RIMKLB: variants seen among roughly 807,000 people sequenced by gnomAD.
The protein encoded by RIMKLB is beta-citrylglutamate synthase B.
RIMKLB carries 7 observed loss-of-function variants against 32.0 expected under a neutral mutation model. The ratio of observed to expected loss-of-function variants is 0.22; its 90% CI spans 0.12 to 0.41. The LOEUF (loss-of-function observed/expected upper bound fraction) is 0.41, where lower values mean the gene tolerates loss of function less well. Among genes scored for constraint, RIMKLB ranks in the 10% least tolerant of loss-of-function variants. RIMKLB has a pLI of 1.00. For missense variants in RIMKLB, 289 were observed against 498.7 expected (o/e 0.58, Z 4.00); for synonymous variants, 172 against 185.1 (o/e 0.93, Z 0.57).
rs779016793 is a variant in RIMKLB, at chr12:8,777,113, T to G, written c.*3329T>G. ...CTGCTACTGTTTTTATTTGTTTGTT[T>G]GTTCAATTTTATTTAAGATTTGTTT... On this transcript the variant is annotated 3_prime_UTR_variant, in exon 6 of 6. Transcript: ENST00000535829. The G allele has an allele frequency of 1.0e-6, 1 of 985,836 alleles. No individual in the cohort carries two copies. Among genetic ancestry groups the G allele is most frequent in the South Asian group, 4.7e-5 (1 of 21,284 alleles). The allele number at this position is 985,836 out of a possible 1,614,324, so 61.1% of individuals were successfully genotyped here. A position where few individuals can be genotyped will look rare whatever the true frequency, so the allele number is the denominator to read the frequency against.
At chr12:8,735,721 T>C (rs1013140591) in intron 2 of RIMKLB, among the ~76,000 whole-genome samples, 10 of 151,364 alleles carry the variant, frequency 6.6e-5, no homozygotes, top group Non-Finnish European at 1.0e-4. Context: ...TTCTTCGTTT[T>C]TTTTTTTGTC....
chr12:8,715,589 G>T (rs1041898303), intron 2 of RIMKLB, among the ~76,000 whole-genome samples: 3 of 152,076 alleles, frequency 2.0e-5, no homozygotes, highest in Non-Finnish European at 4.4e-5. Flanking sequence ...TATTTTCAGT[G>T]TAATTCTCTT....
chr12:8,757,658 CTT>C (rs747302096), intron 5 of RIMKLB, among the ~76,000 whole-genome samples: 6 of 152,116 alleles, frequency 3.9e-5, no homozygotes, highest in Admixed American at 6.6e-5. Context: ...CTATAATGTA[CTT>C]TTAGTTCTTC....
chr12:8,711,440 C>G (rs1260611789), intron 1 of RIMKLB, among the ~76,000 whole-genome samples: 2 of 151,844 alleles, frequency 1.3e-5, no homozygotes, highest in Non-Finnish European at 2.9e-5. Context: ...TTTCAAGAGC[C>G]GAGTGTCAGG....
At position 8,760,213 on chromosome 12, in the gene RIMKLB, G is replaced by A. The variant is rs150164217; in HGVS notation, c.697+6120G>A. ...TGCGGTGTTTGGTTTTTGTCCTTGC[G>A]ATAGTTTGCTGAGAATGATGGTTTC... On this transcript the variant is annotated intron_variant, in intron 5 of 5. Coordinates refer to ENST00000535829, the MANE Select transcript of RIMKLB (RefSeq NM_001297776.2). 9.9e-4 allele frequency among the ~76,000 whole-genome samples: 150 copies of A among 152,118 alleles called. 2 individuals carry two copies. In the East Asian group the frequency reaches 0.016, roughly 16 times the overall value.
At chr12:8,745,507 A>G (rs1947999170) in intron 2 of RIMKLB, among the ~76,000 whole-genome samples, 1 of 151,072 alleles carries the variant, frequency 6.6e-6, no homozygotes, top group Non-Finnish European at 1.5e-5. Context: ...CAGTTCTTCT[A>G]CCTCAGCTTC....
chr12:8,704,999 C>CACACACACACACACACAAAAAA (rs35908223), intron 1 of RIMKLB, among the ~76,000 whole-genome samples: 1 of 151,540 alleles, frequency 6.6e-6, no homozygotes, highest in African/African-American at 2.4e-5. Flanking sequence ...CACACACACA[C>CACACACACACACACACAAAAAA]AAAACCCCAA....
At chr12:8,756,243 C>A (rs1045382859) in intron 5 of RIMKLB, among the ~76,000 whole-genome samples, 1 of 151,860 alleles carries the variant, frequency 6.6e-6, no homozygotes, top group Non-Finnish European at 1.5e-5. Flanking sequence ...ATTGCTTGAG[C>A]CTGGGCGGTC....
At chr12:8,705,853 C>G (rs11046869) in intron 1 of RIMKLB, among the ~76,000 whole-genome samples, 4,299 of 152,210 alleles carry the variant, frequency 0.028, 207 homozygotes, top group African/African-American at 0.097. Flanking sequence ...GTGAGTCTGT[C>G]TATAAGTCCT....
In RIMKLB at chr12:8,714,175, A is replaced by G. The variant is rs776742437; in HGVS notation, c.175+134A>G. On this transcript the variant is annotated intron_variant, in intron 2 of 5. Transcript: ENST00000535829. ...GTATCTTCTAATTATAAGGTCTAAT[A>G]TATTTTATGAAAGTAATATAAACAC... is the stretch of plus-strand genomic sequence containing the variant. 1.4e-4 allele frequency: 91 copies of G among 661,650 alleles called. No homozygotes were observed. In the Middle Eastern group the frequency reaches 4.8e-3, roughly 35 times the overall value. 41.0% of individuals were successfully genotyped at this position (661,650 alleles called of 1,614,324 possible).
intron 7 of RIMKLB, chr12:8,782,870 T>C (rs1951180158): frequency 6.6e-6 from 1 of 152,224 alleles, no homozygotes; most frequent in South Asian, 2.1e-4. Flanking sequence ...ATAGAGACTT[T>C]TAAAATCTAT....
intron 2 of RIMKLB, among the ~76,000 whole-genome samples, chr12:8,729,465 C>G (rs1946342096): frequency 6.6e-6 from 1 of 152,104 alleles, no homozygotes; most frequent in Admixed American, 6.6e-5. Flanking sequence ...GATATCTAAC[C>G]ATAGTCTCCG....
chr12:8,752,864 C>T (rs953389695), intron 4 of RIMKLB, among the ~76,000 whole-genome samples: 3 of 151,912 alleles, frequency 2.0e-5, no homozygotes, highest in East Asian at 1.9e-4. Flanking sequence ...CCTCAGCCTC[C>T]CAAGTAGCTG....
intron 2 of RIMKLB, among the ~76,000 whole-genome samples, chr12:8,732,371 T>C (rs769989359): frequency 1.3e-5 from 2 of 152,288 alleles, no homozygotes; most frequent in South Asian, 4.1e-4. Context: ...TTGTAATATA[T>C]GGAGCCCAAC....
At chr12:8,742,497 G>T in intron 2 of RIMKLB, 1 of 421,776 alleles carries the variant, frequency 2.4e-6, no homozygotes, top group South Asian at 1.8e-5. Flanking sequence ...CCTTGCAGCA[G>T]GAACCCACTT....
chr12:8,731,387 T>C (rs2137294945), intron 2 of RIMKLB, among the ~76,000 whole-genome samples: 1 of 152,044 alleles, frequency 6.6e-6, no homozygotes, highest in East Asian at 1.9e-4. Flanking sequence ...TGTGAGCCAC[T>C]GCCCTGGGCC....
chr12:8,733,019 A>C (rs978937607), intron 2 of RIMKLB, among the ~76,000 whole-genome samples: 2 of 152,078 alleles, frequency 1.3e-5, no homozygotes, highest in African/African-American at 4.8e-5. Flanking sequence ...CTTTTTGATG[A>C]CGTTTATTGT....
intron 2 of RIMKLB, among the ~76,000 whole-genome samples, chr12:8,728,763 T>TTGTGTGTGTGTG (rs375795748): frequency 1.2e-3 from 175 of 149,588 alleles, no homozygotes; most frequent in African/African-American, 4.1e-3. Context: ...GCTCTGCTAA[T>TTGTGTGTGTGTG]TGTGTGTGTG....
intron 2 of RIMKLB, among the ~76,000 whole-genome samples, chr12:8,718,637 G>A (rs931400503): frequency 7.3e-6 from 1 of 136,214 alleles, no homozygotes; most frequent in African/African-American, 2.8e-5. Context: ...GCGAGACTCC[G>A]TCTCTCTCTC....
Sources: gnomAD v4.1 joint callset for allele counts (sites outside exome capture counted in the v4.1 genomes callset) on GRCh38, gnomAD v4.1.1 for gene constraint, MANE v1.5 for transcripts, NCBI Gene and HGNC (gene_info 2026-07-23, HGNC 2026-07-21) for gene names.